The following KIDINS220 variants were observed in gnomAD, a reference collection of about 807,000 sequenced individuals.
The protein encoded by KIDINS220 is kinase D-interacting substrate of 220 kDa.
Under a neutral mutation model 157.6 loss-of-function variants are expected in KIDINS220, and 63 were observed. The observed-to-expected ratio is 0.40, with a 90% CI of 0.33 to 0.49. KIDINS220 has a LOEUF of 0.49. KIDINS220 is among the 20% of genes least tolerant of loss of function. The pLI is 0.66. For synonymous variants in KIDINS220, 732 were observed against 783.6 expected (o/e 0.93, Z 1.10); for missense variants, 1,772 against 2,171.2 (o/e 0.82, Z 3.65).
In KIDINS220 at chr2:8,818,717, G is replaced by C. The variant is rs1487493809; in HGVS notation, c.185C>G (p.Ala62Gly). Reference protein sequence around the residue: ...EIVKELIKNGANCNLEDLDNW... With the variant: ...EIVKELIKNGGNCNLEDLDNW... ...TACCAAATCTTCCAGATTGCAGTTA[G>C]CTCCATTCTTAATTAATTCCTTCAC... is the stretch of plus-strand genomic sequence containing the variant. Residue 62 changes from alanine to glycine, a missense_variant, in exon 3 of 30, where the codon GCT becomes GGT. Transcript: ENST00000256707. 1.3e-6 allele frequency: 2 copies of C among 1,592,352 alleles called. No homozygotes were observed. The highest frequency in any genetic ancestry group is 4.5e-5 in the East Asian group (2 of 44,536).
intron 22 of KIDINS220, among the ~76,000 whole-genome samples, chr2:8,760,373 T>C (rs1486186658): frequency 6.6e-6 from 1 of 152,172 alleles, no homozygotes; most frequent in Non-Finnish European, 1.5e-5. Flanking sequence ...GCAAAGACTG[T>C]AAAAATGATT....
In KIDINS220 at chr2:8,730,781, A is replaced by C. The variant is rs772060146; in HGVS notation, c.5255T>G (p.Leu1752Arg). 13 of 1,614,028 alleles carry C rather than the reference A, an allele frequency of 8.1e-6. No individual in the cohort carries two copies. Among genetic ancestry groups the C allele is most frequent in the Middle Eastern group, 1.6e-4 (1 of 6,084 alleles). Residue 1752 changes from leucine to arginine, a missense_variant, in exon 30 of 30, where the codon CTC becomes CGC. Transcript: ENST00000256707. Reference sequence around the variant, plus strand: ...GCTCTCAGAAGAGGCTGCTGCATGGAGCTCCGGAGGATCTTTGGAGAGCCT... The same window carrying C: ...GCTCTCAGAAGAGGCTGCTGCATGGCGCTCCGGAGGATCTTTGGAGAGCCT... ...YTRLSKDPPE[L>R]HAAASSESTG...
intron 22 of KIDINS220, among the ~76,000 whole-genome samples, chr2:8,769,695 C>T (rs919156342): frequency 6.6e-6 from 1 of 152,080 alleles, no homozygotes; most frequent in Non-Finnish European, 1.5e-5. Context: ...AACGTTTATT[C>T]ACGAAATAAA....
intron 22 of KIDINS220, among the ~76,000 whole-genome samples, chr2:8,752,010 A>G (rs1321401240): frequency 1.3e-5 from 2 of 152,004 alleles, no homozygotes; most frequent in Non-Finnish European, 2.9e-5. Flanking sequence ...CAGCCAAAAA[A>G]TCTATTTTTA....
At chr2:8,775,272 A>G (rs1572604103) in intron 21 of KIDINS220, among the ~76,000 whole-genome samples, 1 of 152,240 alleles carries the variant, frequency 6.6e-6, no homozygotes, top group East Asian at 1.9e-4. Flanking sequence ...GGCTGAAGAT[A>G]CATATTTGAG....
In KIDINS220 at chr2:8,730,365, CT is replaced by C. The variant is rs948777803; in HGVS notation, c.*354del. On this transcript the variant is annotated 3_prime_UTR_variant, in exon 30 of 30. Transcript: ENST00000256707. ...GTCACCAAATGTTTGCAAAAAGGGTCTCTAGCTTTTTTTCTTTTTGGCACAT... is the reference window on the plus strand; with the variant it reads ...GTCACCAAATGTTTGCAAAAAGGGTCCTAGCTTTTTTTCTTTTTGGCACAT... 6 of 1,031,728 alleles carry C rather than the reference CT, an allele frequency of 5.8e-6. No homozygotes were observed. The highest frequency in any genetic ancestry group is 7.0e-6 in the Non-Finnish European group (6 of 860,902). The allele number at this position is 1,031,728 out of a possible 1,614,324, so 63.9% of individuals were successfully genotyped here.
At chr2:8,755,309 A>G (rs1667873708) in intron 22 of KIDINS220, among the ~76,000 whole-genome samples, 1 of 152,174 alleles carries the variant, frequency 6.6e-6, no homozygotes. Context: ...ACAAGCCCCC[A>G]GAGCATATAT....
rs572418568 is a variant in KIDINS220 at position 8,788,728 on chromosome 2, C to G, written c.1706G>C (p.Gly569Ala). The G allele has an allele frequency of 6.2e-7, 1 of 1,614,114 alleles. No individual in the cohort carries two copies. The highest frequency in any genetic ancestry group is 1.7e-5 in the Admixed American group (1 of 60,032). The part of the protein sequence containing the change: ...VLSTRLARHI[G>A]YLELLLKLMF... ...CAATTTAAGGAGGAGTTCCAAATAT[C>G]CAATATGTCTTGCCAATCTAGTGCT... Residue 569 changes from glycine to alanine, a missense_variant, in exon 15 of 30, where the codon GGA becomes GCA. Transcript: ENST00000256707.
chr2:8,725,409 T>G (rs1305169352), downstream of KIDINS220: 1 of 152,224 alleles, frequency 6.6e-6, no homozygotes, highest in African/African-American at 2.4e-5. Flanking sequence ...ATTTAAAATT[T>G]CATAAAAGGA....
In KIDINS220 at chr2:8,730,709, G is replaced by C; in HGVS notation, c.*11C>G. 1.9e-6 allele frequency: 3 copies of C among 1,610,072 alleles called. No individual in the cohort carries two copies. The highest frequency in any genetic ancestry group is 2.5e-6 in the Non-Finnish European group (3 of 1,178,546). ...AGGTACAGTAACACTCTTCTCCTTT[G>C]CTTGTTTTTCTCAAAGAATGCTTTC... is the stretch of plus-strand genomic sequence containing the variant. On this transcript the variant is annotated 3_prime_UTR_variant, in exon 30 of 30. Coordinates refer to ENST00000256707, the MANE Select transcript of KIDINS220 (RefSeq NM_020738.4).
intron 1 of KIDINS220, among the ~76,000 whole-genome samples, chr2:8,834,557 T>A (rs556639205): frequency 6.6e-6 from 1 of 151,978 alleles, no homozygotes; most frequent in South Asian, 2.1e-4. Context: ...CCACATACTT[T>A]GTTTTTGGTC....
intron 16 of KIDINS220, 70 bp from the exon 17 acceptor site, chr2:8,786,100 A>C: frequency 6.4e-7 from 1 of 1,557,488 alleles, no homozygotes; most frequent in South Asian, 1.2e-5. Flanking sequence ...TTATAGTCAC[A>C]ATACCTGATG....
chr2:8,757,651 G>A lies in KIDINS220; in HGVS notation c.3012-6007C>T, dbSNP rs1357697316. 23 of 1,611,500 alleles carry A rather than the reference G, an allele frequency of 1.4e-5. No homozygotes were observed. In the East Asian group the frequency reaches 5.1e-4, roughly 36 times the overall value. On this transcript the variant is annotated intron_variant, in intron 22 of 29. Coordinates refer to ENST00000256707, the MANE Select transcript of KIDINS220 (RefSeq NM_020738.4). ...CAAGTGAATGTGCATCTCTGAGGGAGTCATGGCCTGTTCCATGTCCTGCTT... is the reference window on the plus strand; with the variant it reads ...CAAGTGAATGTGCATCTCTGAGGGAATCATGGCCTGTTCCATGTCCTGCTT...
intron 6 of KIDINS220, 63 bp downstream of exon 6, chr2:8,812,332 T>C: frequency 1.4e-6 from 1 of 733,230 alleles, no homozygotes; most frequent in Non-Finnish European, 2.2e-6. Flanking sequence ...TAAAAATGTT[T>C]ATAACTTAGA....
intron 26 of KIDINS220, among the ~76,000 whole-genome samples, chr2:8,744,207 A>G (rs1666030320): frequency 7.0e-6 from 1 of 143,580 alleles, no homozygotes; most frequent in African/African-American, 2.5e-5. Flanking sequence ...ATAAAACCTC[A>G]CTTCTGTGAA....
intron 28 of KIDINS220, 95 bp from the exon 29 acceptor site, chr2:8,733,775 C>A (rs1169701257): frequency 2.5e-6 from 2 of 802,384 alleles, no homozygotes; most frequent in Non-Finnish European, 3.7e-6. Context: ...AAAGCTATTG[C>A]AACAGCAATG....
chr2:8,833,232 G>C (rs751469444), intron 1 of KIDINS220, among the ~76,000 whole-genome samples: 5 of 152,160 alleles, frequency 3.3e-5, no homozygotes, highest in Non-Finnish European at 5.9e-5. Flanking sequence ...CTTCACCTCA[G>C]TGTCTGAGTT....
intron 27 of KIDINS220, among the ~76,000 whole-genome samples, chr2:8,735,330 G>A (rs927221517): frequency 2.6e-5 from 4 of 152,128 alleles, no homozygotes; most frequent in East Asian, 1.9e-4. Flanking sequence ...TCAGGAGTTC[G>A]AGACCAGCCT....
At chr2:8,734,929 G>A (rs1398540764) in intron 27 of KIDINS220, among the ~76,000 whole-genome samples, 176 bp from the exon 28 acceptor site, 1 of 152,160 alleles carries the variant, frequency 6.6e-6, no homozygotes, top group Non-Finnish European at 1.5e-5. Context: ...AGCTGAATTT[G>A]AACAACATCA....
Sources: allele counts gnomAD v4.1 joint callset (sites outside exome capture counted in the v4.1 genomes callset), GRCh38; gene constraint gnomAD v4.1.1; transcripts MANE v1.5; gene names NCBI Gene and HGNC (gene_info 2026-07-23, HGNC 2026-07-21).